The following KIF4A variants were observed in gnomAD, a reference collection of about 807,000 sequenced individuals.
KIF4A encodes kinesin family member 4A.
Under a neutral mutation model 105.9 loss-of-function variants are expected in KIF4A, and 7 were observed. That is an observed-to-expected ratio of 0.07 (90% CI 0.04 to 0.12). The LOEUF (loss-of-function observed/expected upper bound fraction) is 0.12. Among genes scored for constraint, KIF4A ranks in the 10% least tolerant of loss-of-function variants. The pLI is 1.00. For synonymous variants in KIF4A, 281 were observed against 331.3 expected, an observed-to-expected ratio of 0.85 and a Z score of 1.65; for missense variants, 558 against 929.2, an observed-to-expected ratio of 0.60 and a Z score of 5.19.
intron 20 of KIF4A, among the ~76,000 whole-genome samples, chrX:70,390,822 G>C (rs2086235124): frequency 9.0e-6 from 1 of 111,686 alleles, no homozygotes; most frequent in Admixed American, 9.6e-5. Context: ...TCTGTACTCT[G>C]TCATTATTGT....
chrX:70,326,381 G>A (rs1333206299), intron 7 of KIF4A, among the ~76,000 whole-genome samples: 5 of 111,859 alleles, frequency 4.5e-5, no homozygotes, highest in Admixed American at 9.5e-5. Context: ...TCCAGATATT[G>A]CCAAATGTCC....
intron 11 of KIF4A, among the ~76,000 whole-genome samples, chrX:70,342,861 C>T (rs2085977631): frequency 1.8e-5 from 2 of 112,399 alleles, no homozygotes; most frequent in African/African-American, 6.5e-5. Flanking sequence ...ACAGAAACTA[C>T]TTCTTATTCT....
At chrX:70,297,957 C>T (rs773674803) in intron 4 of KIF4A, among the ~76,000 whole-genome samples, 24 of 111,240 alleles carry the variant, frequency 2.2e-4, no homozygotes, top group African/African-American at 7.2e-4. Flanking sequence ...AACTGGAAGA[C>T]AGGGGATTAC....
chrX:70,393,737 T>C (rs1602799506), intron 20 of KIF4A, among the ~76,000 whole-genome samples: 1 of 108,373 alleles, frequency 9.2e-6, no homozygotes, highest in Non-Finnish European at 1.9e-5. Context: ...TTTGTCATGG[T>C]GTATTTAATG....
At chrX:70,364,084 GTTGT>G (rs1421905062) in intron 15 of KIF4A, among the ~76,000 whole-genome samples, 2 of 112,036 alleles carry the variant, frequency 1.8e-5, no homozygotes, top group African/African-American at 6.5e-5. Context: ...TGTTGATGGG[GTTGT>G]TTGTTTTTTT....
intron 15 of KIF4A, among the ~76,000 whole-genome samples, chrX:70,359,705 T>C (rs776193211): frequency 9.0e-6 from 1 of 110,507 alleles, no homozygotes; most frequent in East Asian, 2.9e-4. Flanking sequence ...GTACTGCACA[T>C]GTCAGCTGAG....
intron 3 of KIF4A, among the ~76,000 whole-genome samples, chrX:70,293,371 A>C (rs2085768471): frequency 8.9e-6 from 1 of 112,500 alleles, no homozygotes; most frequent in Non-Finnish European, 1.9e-5. Context: ...TGCCACACTA[A>C]TAAGGAACAG....
At chrX:70,370,222 CAT>C (rs2086124649) in intron 15 of KIF4A, among the ~76,000 whole-genome samples, 1 of 110,481 alleles carries the variant, frequency 9.1e-6, no homozygotes, top group African/African-American at 3.3e-5. Flanking sequence ...TATTAAGTGA[CAT>C]ATGACTGTAA....
At chrX:70,291,562 A>G (rs1305938290) in intron 3 of KIF4A, among the ~76,000 whole-genome samples, 1 of 111,821 alleles carries the variant, frequency 8.9e-6, no homozygotes, top group Non-Finnish European at 1.9e-5. Flanking sequence ...GCAGGGTTCT[A>G]AAGAAGGGAG....
At chrX:70,329,977 T>C (rs751850867) in intron 8 of KIF4A, among the ~76,000 whole-genome samples, 180 bp from the exon 9 acceptor site, 1 of 112,081 alleles carries the variant, frequency 8.9e-6, no homozygotes, top group Admixed American at 9.5e-5. Flanking sequence ...AGGATTTAAA[T>C]GTATATTACA....
intron 20 of KIF4A, among the ~76,000 whole-genome samples, chrX:70,389,109 A>G (rs1180437120): frequency 4.5e-5 from 5 of 111,171 alleles, no homozygotes; most frequent in Non-Finnish European, 7.5e-5. Flanking sequence ...TAAAAAAATT[A>G]ACCAGACATG....
Position 70,318,835 on chromosome X carries a change from A to G in KIF4A, c.779-10570A>G, listed in dbSNP as rs1602746588. 2.7e-5 allele frequency among the ~76,000 whole-genome samples: 3 copies of G among 112,485 alleles called. No homozygotes were observed. The South Asian group carries it at 1.1e-3, about 41-fold the overall frequency. On this transcript the variant is annotated intron_variant, in intron 7 of 30. Transcript: ENST00000374403. The stretch of plus-strand genomic sequence containing the variant: ...TGTCTTTTTCCTACTGATTAAAAGT[A>G]ATTCTTAATATACTATAGATTCTAG...
intron 3 of KIF4A, among the ~76,000 whole-genome samples, chrX:70,292,947 G>A (rs1237742938): frequency 8.9e-6 from 1 of 112,146 alleles, no homozygotes; most frequent in African/African-American, 3.2e-5. Flanking sequence ...ATTTTTTATA[G>A]TCAGCTCAAC....
At chrX:70,357,315 A>AAAAC (rs201465922) in intron 15 of KIF4A, among the ~76,000 whole-genome samples, 2 of 111,993 alleles carry the variant, frequency 1.8e-5, no homozygotes, top group Admixed American at 9.5e-5. Flanking sequence ...CTCCATCTCA[A>AAAAC]AAACAAACAA....
chrX:70,359,419 ATTTCTTTC>A (rs199624112), intron 15 of KIF4A, among the ~76,000 whole-genome samples: 1 of 103,591 alleles, frequency 9.7e-6, no homozygotes, highest in East Asian at 3.1e-4. Context: ...CCCCCACTGT[ATTTCTTTC>A]TTTCTTTCTT....
chrX:70,308,633 G>T (rs2085836579), intron 7 of KIF4A, among the ~76,000 whole-genome samples: 1 of 112,351 alleles, frequency 8.9e-6, no homozygotes, highest in African/African-American at 3.2e-5. Context: ...TTTAAGAGAT[G>T]GAGTCTTGCT....
intron 28 of KIF4A, among the ~76,000 whole-genome samples, chrX:70,410,642 C>T (rs774671571): frequency 1.8e-5 from 2 of 111,966 alleles, no homozygotes; most frequent in South Asian, 7.5e-4. Flanking sequence ...TCTCAGATAT[C>T]AGGCATTAGT....
At chrX:70,309,603 CA>C (rs1050349343) in intron 7 of KIF4A, among the ~76,000 whole-genome samples, 8 of 110,833 alleles carry the variant, frequency 7.2e-5, no homozygotes, top group East Asian at 2.8e-4. Context: ...GTATAATAGA[CA>C]AAAAAAATTG....
intron 11 of KIF4A, 122 bp downstream of exon 11, chrX:70,342,053 C>A: frequency 1.1e-6 from 1 of 945,794 alleles, no homozygotes; most frequent in Non-Finnish European, 1.4e-6. Context: ...TTTGTATTAC[C>A]ATATCCTCCA....
Sources: gnomAD v4.1 joint callset for allele counts (sites outside exome capture counted in the v4.1 genomes callset) on GRCh38, gnomAD v4.1.1 for gene constraint, MANE v1.5 for transcripts, NCBI Gene and HGNC (gene_info 2026-07-23, HGNC 2026-07-21) for gene names.